The following USP8 variants were observed in gnomAD, a reference collection of about 807,000 sequenced individuals.
The protein encoded by USP8 is ubiquitin specific peptidase 8.
In USP8, 27 loss-of-function variants were observed where a neutral mutation model predicts 130.0. That is an observed-to-expected ratio of 0.21 (90% confidence interval 0.15 to 0.29). The LOEUF is 0.29. Ranked by LOEUF, USP8 falls within the 10% of genes least tolerant of loss-of-function variation. The pLI is 1.00. For missense variants in USP8, 1,029 were observed against 1,312.2 expected, an observed-to-expected ratio of 0.78 and a Z score of 3.33; for synonymous variants, 392 against 444.1, an observed-to-expected ratio of 0.88 and a Z score of 1.48.
chr15:50,473,534 C>A (rs2051452238), intron 8 of USP8, among the ~76,000 whole-genome samples: 1 of 151,818 alleles, frequency 6.6e-6, no homozygotes, highest in South Asian at 2.1e-4. Context: ...AGGTTTTTCT[C>A]AGTCACCTAG....
In USP8 at chr15:50,490,551, T is replaced by A. The variant is rs755114266; in HGVS notation, c.2234+26T>A. The A allele has an allele frequency of 7.5e-6, 12 of 1,604,966 alleles. No individual in the cohort carries two copies. In the East Asian group the frequency reaches 1.1e-4, roughly 15 times the overall value. On this transcript the variant is annotated intron_variant, in intron 14 of 19. Coordinates refer to ENST00000307179, the MANE Select transcript of USP8 (RefSeq NM_005154.5). ...GTATGTTTATCTTAACTCCTAGAAC[T>A]AAAATAATGTGCTGTATTTCAAAGT...
At chr15:50,446,553 A>G (rs778114410) in intron 3 of USP8, among the ~76,000 whole-genome samples, 30 of 152,174 alleles carry the variant, frequency 2.0e-4, no homozygotes, top group South Asian at 4.1e-4. Flanking sequence ...TAATGATTAC[A>G]TTGTATTTTC....
intron 16 of USP8, among the ~76,000 whole-genome samples, chr15:50,495,492 G>GT (rs199524459): frequency 0.063 from 9,403 of 149,520 alleles, 461 homozygotes; most frequent in African/African-American, 0.12. Context: ...TTGGAGGGGG[G>GT]GGTCTCACTA....
rs757530056 is a variant in USP8 at position 50,449,417 on chromosome 15, A to T, written c.267A>T (p.Ile89=). 1.3e-6 allele frequency: 2 copies of T among 1,587,540 alleles called. No individual in the cohort carries two copies. Among genetic ancestry groups the T allele is most frequent in the Non-Finnish European group, 1.7e-6 (2 of 1,166,278 alleles). ...AATTTTAGGATTATTTCCATTCAAT[A>T]CTTGGACCTGGAAACATCAAAAAAG... ...FKQQQDYFHS[I]LGPGNIKKAV... The change falls in exon 4 of 20, where the codon ATA becomes ATT. Residue 89 remains isoleucine (I), a synonymous_variant. Transcript: ENST00000307179.
At chr15:50,493,428 A>G (rs767921434) in intron 15 of USP8, 2 of 518,990 alleles carry the variant, frequency 3.9e-6, no homozygotes, top group East Asian at 5.4e-5. Context: ...AGAAAAGTCA[A>G]ATTAGGAAAG....
intron 1 of USP8, among the ~76,000 whole-genome samples, chr15:50,437,407 A>G (rs2050123359): frequency 6.6e-6 from 1 of 152,084 alleles, no homozygotes; most frequent in Non-Finnish European, 1.5e-5. Context: ...ATTCAATTTG[A>G]TTTTTAAACT....
intron 3 of USP8, 57 bp from the exon 4 acceptor site, chr15:50,449,336 TAACACTA>T (rs1402223447): frequency 2.9e-6 from 3 of 1,036,336 alleles, no homozygotes; most frequent in Admixed American, 2.7e-5. Context: ...TTAATGATTT[TAACACTA>T]GTGTCACATG....
intron 18 of USP8, chr15:50,497,437 C>G (rs753738422): frequency 2.3e-6 from 1 of 425,560 alleles, no homozygotes; most frequent in Non-Finnish European, 4.0e-6. Flanking sequence ...GACAATACCA[C>G]TATTTCATGT....
At chr15:50,436,902 T>G (rs971913032) in intron 1 of USP8, among the ~76,000 whole-genome samples, 4 of 152,152 alleles carry the variant, frequency 2.6e-5, no homozygotes, top group Non-Finnish European at 5.9e-5. Context: ...ACTCATGACC[T>G]CAAGTGATCT....
intron 1 of USP8, among the ~76,000 whole-genome samples, chr15:50,427,228 G>T (rs997959338): frequency 1.3e-5 from 2 of 152,046 alleles, no homozygotes; most frequent in African/African-American, 4.8e-5. Flanking sequence ...GAGCCACCGC[G>T]CCTGACCCAT....
In USP8 at chr15:50,506,367, T is replaced by C. The variant is rs1249851924; in HGVS notation, c.*7279T>C. On this transcript the variant is annotated 3_prime_UTR_variant, in exon 20 of 20. Transcript: ENST00000307179. ...CAAACTCTATTGTGAACTGCGCATG[T>C]GAGGGATCTAGGTTGCGTGCTCCTT... is the stretch of plus-strand genomic sequence containing the variant. 1.3e-5 allele frequency: 2 copies of C among 152,120 alleles called. No individual in the cohort carries two copies. Among genetic ancestry groups the C allele is most frequent in the Non-Finnish European group, 2.9e-5 (2 of 68,050 alleles). 9.4% of individuals were successfully genotyped at this position (152,120 alleles called of 1,614,324 possible). A position where few individuals can be genotyped will look rare whatever the true frequency, so the allele number is the denominator to read the frequency against.
At position 50,508,259 on chromosome 15, in the gene USP8, A is replaced by C. The variant is rs1328193295; in HGVS notation, c.*9171A>C. On this transcript the variant is annotated 3_prime_UTR_variant, in exon 20 of 20. Coordinates refer to ENST00000307179, the MANE Select transcript of USP8 (RefSeq NM_005154.5). Reference sequence around the variant, plus strand: ...AAACACTTAGAAGTAAATAGTAATGAAAATACTATATCAAAACATGGGATG... The same window carrying C: ...AAACACTTAGAAGTAAATAGTAATGCAAATACTATATCAAAACATGGGATG... The C allele has an allele frequency of 6.6e-6, 1 of 152,166 alleles. No individual in the cohort carries two copies. The highest frequency in any genetic ancestry group is 1.5e-5 in the Non-Finnish European group (1 of 68,026). 9.4% of individuals were successfully genotyped at this position (152,166 alleles called of 1,614,324 possible).
rs1006774601 is a variant in USP8, at chr15:50,447,883, G to A, written c.250-1517G>A. On this transcript the variant is annotated intron_variant, in intron 3 of 19. Coordinates refer to ENST00000307179, the MANE Select transcript of USP8 (RefSeq NM_005154.5). ...CTCCCTGAGAGCTGGGATTACAGGC[G>A]TGAGCTACCGTGCCCAGCCTAATTT... is the stretch of plus-strand genomic sequence containing the variant. 8.6e-5 allele frequency among the ~76,000 whole-genome samples: 13 copies of A among 151,886 alleles called. 1 individual carries two copies. Among genetic ancestry groups the A allele is most frequent in the African/African-American group, 3.1e-4 (13 of 41,420 alleles).
chr15:50,456,235 C>G (rs554242711), intron 4 of USP8, among the ~76,000 whole-genome samples: 86 of 152,190 alleles, frequency 5.7e-4, no homozygotes, highest in Non-Finnish European at 1.1e-3. Context: ...TCATTTCTGT[C>G]AATGGAATAC....
chr15:50,454,979 T>TTAC (rs1555385792), intron 4 of USP8, among the ~76,000 whole-genome samples: 3 of 151,788 alleles, frequency 2.0e-5, no homozygotes, highest in Admixed American at 6.6e-5. Context: ...CTTTCTGTGT[T>TTAC]GCCCAGGATG....
At chr15:50,445,208 T>G (rs1163613423) in intron 3 of USP8, among the ~76,000 whole-genome samples, 1 of 152,060 alleles carries the variant, frequency 6.6e-6, no homozygotes, top group Admixed American at 6.6e-5. Context: ...TCATTGAACT[T>G]CCTTAGAAAC....
chr15:50,434,992 T>A (rs564524996), intron 1 of USP8, among the ~76,000 whole-genome samples: 1 of 152,354 alleles, frequency 6.6e-6, no homozygotes, highest in South Asian at 2.1e-4. Flanking sequence ...TGCAAATTAT[T>A]TGACTTCTGT....
chr15:50,446,985 T>A (rs2050464390), intron 3 of USP8, among the ~76,000 whole-genome samples: 2 of 152,178 alleles, frequency 1.3e-5, no homozygotes, highest in South Asian at 4.1e-4. Context: ...GACACAAAAA[T>A]TAAATCTTTT....
chr15:50,489,883 T>A lies in USP8; in HGVS notation c.1971+2T>A. The A allele has an allele frequency of 6.4e-7, 1 of 1,570,972 alleles. No homozygotes were observed. Among genetic ancestry groups the A allele is most frequent in the Non-Finnish European group, 8.6e-7 (1 of 1,162,898 alleles). ...GGACTGCCTTCAGGCTGGGCCAAGG[T>A]AAAAGTCAGAATTAGCAGTAAAATA... On this transcript the variant is annotated splice_donor_variant, in intron 13 of 19. Coordinates refer to ENST00000307179, the MANE Select transcript of USP8 (RefSeq NM_005154.5). LOFTEE classifies it high-confidence loss of function.
Sources: gnomAD v4.1 joint callset for allele counts (sites outside exome capture counted in the v4.1 genomes callset) on GRCh38, gnomAD v4.1.1 for gene constraint, MANE v1.5 for transcripts, NCBI Gene and HGNC (gene_info 2026-07-23, HGNC 2026-07-21) for gene names.